VPS13B: variants seen among roughly 807,000 people sequenced by gnomAD.
VPS13B encodes intermembrane lipid transfer protein VPS13B.
A neutral mutation model predicts 426.4 loss-of-function variants in VPS13B; 285 were observed. The ratio of observed to expected loss-of-function variants is 0.67; its 90% CI spans 0.61 to 0.74. The LOEUF is 0.74. VPS13B is among the 30% of genes least tolerant of loss of function. The pLI is 0.00. For synonymous variants in VPS13B, 1,676 were observed against 1,676.4 expected, an observed-to-expected ratio of 1.00 and a Z score of 0.01; for missense variants, 4,537 against 4,782.6, an observed-to-expected ratio of 0.95 and a Z score of 1.51.
chr8:99,079,407 C>T (rs746500480), intron 3 of VPS13B, among the ~76,000 whole-genome samples: 2 of 152,064 alleles, frequency 1.3e-5, no homozygotes, highest in Non-Finnish European at 2.9e-5. Context: ...ACTCCCACCT[C>T]CCCAAAATTG....
At chr8:99,017,289 T>A (rs975374531) in intron 2 of VPS13B, among the ~76,000 whole-genome samples, 2 of 152,184 alleles carry the variant, frequency 1.3e-5, no homozygotes, top group African/African-American at 2.4e-5. Flanking sequence ...TAAATCAGGT[T>A]GCCATATGTG....
intron 43 of VPS13B, among the ~76,000 whole-genome samples, chr8:99,797,393 C>T (rs975687928): frequency 2.0e-5 from 3 of 152,040 alleles, no homozygotes; most frequent in African/African-American, 7.2e-5. Flanking sequence ...GAGTGAACCA[C>T]CACACCCAGC....
At chr8:99,334,401 G>A (rs1241341043) in intron 19 of VPS13B, among the ~76,000 whole-genome samples, 3 of 152,080 alleles carry the variant, frequency 2.0e-5, no homozygotes, top group South Asian at 4.1e-4. Flanking sequence ...TCGAATAGGA[G>A]TGGTGAGAGA....
chr8:99,854,561 A>C lies in VPS13B; in HGVS notation c.10867+305A>C, dbSNP rs1816454332. On this transcript the variant is annotated intron_variant, in intron 56 of 61. Coordinates refer to ENST00000357162, the MANE Select transcript of VPS13B (RefSeq NM_152564.5). ...GCATTTTGCTTGCCACTCAATAAAC[A>C]TTCAAGCAGTAGTAGCTGTTCTGTA... 2.0e-5 allele frequency among the ~76,000 whole-genome samples: 3 copies of C among 152,214 alleles called. No individual in the cohort carries two copies. In the South Asian group the frequency reaches 6.2e-4, roughly 31 times the overall value.
chr8:99,821,278 G>C lies in VPS13B; in HGVS notation c.8995-16G>C. The C allele has an allele frequency of 6.2e-7, 1 of 1,612,788 alleles. No individual in the cohort carries two copies. The highest frequency in any genetic ancestry group is 8.5e-7 in the Non-Finnish European group (1 of 1,179,308). Reference sequence around the variant, plus strand: ...GGTAAGAAAATTACTTTATAATTGAGGCATTATTTTTCCAGGAAGCTTTTC... The same window carrying C: ...GGTAAGAAAATTACTTTATAATTGACGCATTATTTTTCCAGGAAGCTTTTC... On this transcript the variant is annotated splice_polypyrimidine_tract_variant and intron_variant, in intron 49 of 61. Transcript: ENST00000357162.
intron 33 of VPS13B, among the ~76,000 whole-genome samples, chr8:99,593,254 G>A (rs1374336864): frequency 1.3e-5 from 2 of 151,848 alleles, no homozygotes; most frequent in Non-Finnish European, 2.9e-5. Context: ...GGCCAAAGAC[G>A]TGGACAGATA....
chr8:99,706,330 T>C (rs965867770), intron 36 of VPS13B, among the ~76,000 whole-genome samples: 1 of 152,168 alleles, frequency 6.6e-6, no homozygotes, highest in Non-Finnish European at 1.5e-5. Context: ...AGTTCAAGGA[T>C]TTGGCCTGTT....
At chr8:99,555,827 CCT>C (rs1475858866) in intron 30 of VPS13B, among the ~76,000 whole-genome samples, 1 of 152,224 alleles carries the variant, frequency 6.6e-6, no homozygotes, top group African/African-American at 2.4e-5. Flanking sequence ...GGGCAGTAAA[CCT>C]CTCTGTTATT....
intron 33 of VPS13B, among the ~76,000 whole-genome samples, chr8:99,604,758 GGGATTA>G (rs1827495282): frequency 6.6e-6 from 1 of 151,998 alleles, no homozygotes; most frequent in Non-Finnish European, 1.5e-5. Flanking sequence ...CCAAAGTGCT[GGGATTA>G]CAGGTTCCTT....
At chr8:99,642,728 G>C (rs567437111) in intron 34 of VPS13B, among the ~76,000 whole-genome samples, 1 of 152,202 alleles carries the variant, frequency 6.6e-6, no homozygotes, top group East Asian at 1.9e-4. Context: ...TCTTTTTCCA[G>C]GAACTGAATG....
At chr8:99,520,106 C>CA (rs1452312963) in intron 29 of VPS13B, among the ~76,000 whole-genome samples, 2 of 152,048 alleles carry the variant, frequency 1.3e-5, no homozygotes, top group South Asian at 2.1e-4. Context: ...TTATTTAGTA[C>CA]AAAAAAGAGA....
chr8:99,453,434 C>T (rs1247698560), intron 23 of VPS13B, among the ~76,000 whole-genome samples: 6 of 152,236 alleles, frequency 3.9e-5, no homozygotes, highest in South Asian at 4.1e-4. Context: ...TGGGAACAAT[C>T]GTGTATGTAT....
chr8:99,331,238 C>T (rs1249586966), intron 19 of VPS13B, among the ~76,000 whole-genome samples: 1 of 151,780 alleles, frequency 6.6e-6, no homozygotes, highest in African/African-American at 2.4e-5. Context: ...ATGCACTGGT[C>T]CTACAAAGTG....
chr8:99,228,546 C>T lies in VPS13B; in HGVS notation c.2515+35489C>T, dbSNP rs191690124. ...AAATACAGTTATTTTATTTTTAGAA[C>T]GTGAATGTTTGGGGCTTGAATTTGC... is the stretch of plus-strand genomic sequence containing the variant. On this transcript the variant is annotated intron_variant, in intron 17 of 61. Transcript: ENST00000357162. 2.9e-3 allele frequency among the ~76,000 whole-genome samples: 443 copies of T among 152,074 alleles called. 3 individuals carry two copies. The highest frequency in any genetic ancestry group is 0.01 in the African/African-American group (423 of 41,520).
At chr8:99,600,588 C>A (rs1437487657) in intron 33 of VPS13B, among the ~76,000 whole-genome samples, 1 of 151,976 alleles carries the variant, frequency 6.6e-6, no homozygotes, top group Non-Finnish European at 1.5e-5. Context: ...GGCAGGGAGA[C>A]CCAGCATGGT....
Position 99,481,685 on chromosome 8 carries a change from C to T in VPS13B, c.3753C>T (p.Thr1251=). 1.2e-6 allele frequency: 2 copies of T among 1,614,006 alleles called. No individual in the cohort carries two copies. Among genetic ancestry groups the T allele is most frequent in the South Asian group, 1.1e-5 (1 of 91,080 alleles). ...GAGGCAATCTCAACCTATCTCCAAC[C>T]TCTCCAGAGACCATGGCAGGGCCTG... ...QKRGNLNLSP[T]SPETMAGPVP... Residue 1251 remains threonine (T), a synonymous_variant, in exon 25 of 62, where the codon ACC becomes ACT. Coordinates refer to ENST00000357162, the MANE Select transcript of VPS13B (RefSeq NM_152564.5).
At chr8:99,232,320 G>A (rs1459126772) in intron 17 of VPS13B, among the ~76,000 whole-genome samples, 1 of 152,104 alleles carries the variant, frequency 6.6e-6, no homozygotes, top group East Asian at 1.9e-4. Flanking sequence ...CATGAGGAGT[G>A]ACAGAGTTTC....
rs138829869 is a variant in VPS13B at position 99,599,859 on chromosome 8, C to G, written c.5220+22226C>G. Among the ~76,000 whole-genome samples the G allele has an allele frequency of 3.8e-3, 572 of 152,098 alleles. 4 individuals are homozygous for G. Among genetic ancestry groups the G allele is most frequent in the African/African-American group, 0.013 (536 of 41,530 alleles). ...GACTTTAGCAAATGCCACAGGTGGC[C>G]CCTCACCATTCTTTCTGAAGACTGG... On this transcript the variant is annotated intron_variant, in intron 33 of 61. Transcript: ENST00000357162.
At chr8:99,465,481 A>G (rs1259209800) in intron 23 of VPS13B, among the ~76,000 whole-genome samples, 1 of 151,756 alleles carries the variant, frequency 6.6e-6, no homozygotes, top group East Asian at 1.9e-4. Flanking sequence ...AAGAAGACGC[A>G]GAAATATAAC....
Sources: gnomAD v4.1 joint callset for allele counts (sites outside exome capture counted in the v4.1 genomes callset) on GRCh38, gnomAD v4.1.1 for gene constraint, MANE v1.5 for transcripts, NCBI Gene and HGNC (gene_info 2026-07-23, HGNC 2026-07-21) for gene names.